Variants in CYB5A observed in about 807,000 individuals in gnomAD.
CYB5A encodes cytochrome b5.
Under a neutral mutation model 16.2 loss-of-function variants are expected in CYB5A, and 10 were observed. That is an observed-to-expected ratio of 0.62 (90% CI 0.38 to 1.04). CYB5A has a LOEUF of 1.04. Among genes scored for constraint, CYB5A ranks in the 50% least tolerant of loss-of-function variants. The probability of loss-of-function intolerance (pLI) is 0.01; values close to 1 mark genes in which losing one functional copy is unlikely to be tolerated. For synonymous variants in CYB5A, 62 were observed against 57.0 expected, an observed-to-expected ratio of 1.09 and a Z score of -0.40; for missense variants, 161 against 165.9, an observed-to-expected ratio of 0.97 and a Z score of 0.16.
In CYB5A at chr18:74,291,740, A is replaced by C. The variant is rs1022948598; in HGVS notation, c.129+7T>G. ...CCTGCGCCCCAAGCCGCTCATCCCCAACTCACCTCTTCCAGAAATTTGGTC... is the reference window on the plus strand; with the variant it reads ...CCTGCGCCCCAAGCCGCTCATCCCCCACTCACCTCTTCCAGAAATTTGGTC... On this transcript the variant is annotated splice_region_variant and intron_variant, in intron 1 of 4. Coordinates refer to ENST00000340533, the MANE Select transcript of CYB5A (RefSeq NM_148923.4). 1 of 1,613,764 alleles carries C rather than the reference A, an allele frequency of 6.2e-7. No individual in the cohort carries two copies. Among genetic ancestry groups the C allele is most frequent in the Non-Finnish European group, 8.5e-7 (1 of 1,179,762 alleles).
intron 3 of CYB5A, chr18:74,256,884 T>C (rs1385591572): frequency 3.7e-6 from 6 of 1,610,234 alleles, no homozygotes; most frequent in African/African-American, 2.7e-5. Flanking sequence ...AGGTAAGTCA[T>C]TTAAAAATAA....
At chr18:74,268,110 C>A (rs532938652) in intron 1 of CYB5A, among the ~76,000 whole-genome samples, 6 of 152,208 alleles carry the variant, frequency 3.9e-5, no homozygotes, top group South Asian at 2.1e-4. Context: ...CAGCCACAGT[C>A]GGAGCCAAGA....
chr18:74,256,109 A>C, intron 3 of CYB5A: 1 of 255,564 alleles, frequency 3.9e-6, no homozygotes, highest in Non-Finnish European at 7.6e-6. Context: ...CATACACACA[A>C]TCCCACGTCA....
intron 1 of CYB5A, among the ~76,000 whole-genome samples, chr18:74,273,310 T>C (rs555844959): frequency 1.4e-4 from 21 of 152,314 alleles, no homozygotes; most frequent in African/African-American, 4.8e-4. Flanking sequence ...ACCTCTGCAC[T>C]ATTCAATGAT....
At chr18:74,260,485 G>A in intron 3 of CYB5A, 1 of 271,238 alleles carries the variant, frequency 3.7e-6, no homozygotes, top group South Asian at 3.7e-5. Flanking sequence ...AGTATTTATT[G>A]AACACCTACT....
chr18:74,282,290 G>A (rs567259731), intron 1 of CYB5A, among the ~76,000 whole-genome samples: 27 of 152,322 alleles, frequency 1.8e-4, no homozygotes, highest in Non-Finnish European at 3.4e-4. Context: ...ACAGAGCAGG[G>A]ACTTGTGTCT....
rs573462035 is a variant in CYB5A, at chr18:74,252,012, G to A, written c.*1572C>T. 3.3e-5 allele frequency: 5 copies of A among 152,288 alleles called. No homozygotes were observed. In the South Asian group the frequency reaches 1.0e-3, roughly 32 times the overall value. The allele number at this position is 152,288 out of a possible 1,614,324, so 9.4% of individuals were successfully genotyped here. A position where few individuals can be genotyped will look rare whatever the true frequency, so the allele number is the denominator to read the frequency against. ...AACTACTAAAATGTGAAGCTTTATA[G>A]CTAAAAATCACAACCAAAAATATTG... On this transcript the variant is annotated 3_prime_UTR_variant, in exon 5 of 5. Coordinates refer to ENST00000340533, the MANE Select transcript of CYB5A (RefSeq NM_148923.4).
intron 3 of CYB5A, chr18:74,255,989 A>C (rs1172760189): frequency 1.5e-4 from 80 of 547,992 alleles, no homozygotes; most frequent in Non-Finnish European, 1.4e-4. Flanking sequence ...TTACTTAAGG[A>C]CATAACCTCA....
At chr18:74,290,712 C>T (rs906154491) in intron 1 of CYB5A, among the ~76,000 whole-genome samples, 4 of 152,110 alleles carry the variant, frequency 2.6e-5, no homozygotes, top group Admixed American at 1.3e-4. Flanking sequence ...TGGGAGGGGG[C>T]GTGAGCATGC....
intron 1 of CYB5A, among the ~76,000 whole-genome samples, chr18:74,288,993 C>T (rs922175412): frequency 1.3e-5 from 2 of 152,140 alleles, no homozygotes; most frequent in Non-Finnish European, 2.9e-5. Flanking sequence ...GAGGCAGAAA[C>T]GCATGCAGTT....
At chr18:74,270,712 G>C (rs143002585) in intron 1 of CYB5A, among the ~76,000 whole-genome samples, 66 of 152,266 alleles carry the variant, frequency 4.3e-4, no homozygotes, top group African/African-American at 1.5e-3. Flanking sequence ...AAGTAATCTA[G>C]ATTTAAAATA....
intron 3 of CYB5A, chr18:74,259,911 T>C (rs989386549): frequency 6.6e-6 from 1 of 150,728 alleles, no homozygotes; most frequent in African/African-American, 2.4e-5. Flanking sequence ...ATCATTCACA[T>C]TGAACTTAAG....
Position 74,279,484 on chromosome 18 carries a change from C to T in CYB5A, c.129+12263G>A, listed in dbSNP as rs529306624. 2.3e-3 allele frequency among the ~76,000 whole-genome samples: 355 copies of T among 152,264 alleles called. 1 individual carries two copies. Among genetic ancestry groups the T allele is most frequent in the African/African-American group, 8.3e-3 (344 of 41,550 alleles). On this transcript the variant is annotated intron_variant, in intron 1 of 4. Coordinates refer to ENST00000340533, the MANE Select transcript of CYB5A (RefSeq NM_148923.4). ...GGCAGAAGTTGCAGTGAGTTGAGATCGTGCCACTGCACTCCAGCCTGGGCG... is the reference window on the plus strand; with the variant it reads ...GGCAGAAGTTGCAGTGAGTTGAGATTGTGCCACTGCACTCCAGCCTGGGCG...
Position 74,263,403 on chromosome 18 carries a change from G to A in CYB5A, c.204C>T (p.His68=). ...DATENFEDVG[H]STDAREMSKT... ...TGGACATTTCCCTGGCATCTGTAGA[G>A]TGCCCGACATCCTCAAAGTTCTCAG... The change falls in exon 2 of 5, where the codon CAC becomes CAT. Residue 68 remains histidine, a synonymous_variant. Transcript: ENST00000340533. The A allele has an allele frequency of 6.2e-7, 1 of 1,614,112 alleles. No individual in the cohort carries two copies. The highest frequency in any genetic ancestry group is 8.5e-7 in the Non-Finnish European group (1 of 1,179,992).
intron 1 of CYB5A, among the ~76,000 whole-genome samples, chr18:74,290,390 G>A (rs1378226581): frequency 4.6e-5 from 7 of 152,020 alleles, no homozygotes; most frequent in African/African-American, 1.7e-4. Context: ...GACTACAGGC[G>A]TGCCCCGCCA....
intron 1 of CYB5A, among the ~76,000 whole-genome samples, chr18:74,288,631 C>T (rs1392612846): frequency 6.6e-6 from 1 of 152,148 alleles, no homozygotes; most frequent in African/African-American, 2.4e-5. Context: ...ACAGACTAGC[C>T]TCATAACAAA....
chr18:74,266,864 T>C (rs1039854808), intron 1 of CYB5A, among the ~76,000 whole-genome samples: 1 of 147,274 alleles, frequency 6.8e-6, no homozygotes, highest in Non-Finnish European at 1.5e-5. Context: ...TAGCTTAGAA[T>C]AAACTAACTG....
chr18:74,273,622 C>G (rs535477050), intron 1 of CYB5A, among the ~76,000 whole-genome samples: 3 of 152,230 alleles, frequency 2.0e-5, no homozygotes, highest in Admixed American at 6.5e-5. Flanking sequence ...GGCCTAGCCA[C>G]GGCCCTGGCC....
chr18:74,273,213 GA>G (rs1982739176), intron 1 of CYB5A, among the ~76,000 whole-genome samples: 2 of 152,212 alleles, frequency 1.3e-5, no homozygotes, highest in Admixed American at 1.3e-4. Flanking sequence ...GTCAAGGGAA[GA>G]AGCCCCTGTG....
Sources: allele counts gnomAD v4.1 joint callset (sites outside exome capture counted in the v4.1 genomes callset), GRCh38; gene constraint gnomAD v4.1.1; transcripts MANE v1.5; gene names NCBI Gene and HGNC (gene_info 2026-07-23, HGNC 2026-07-21).